The following ANO3 variants were observed in gnomAD, a reference collection of about 807,000 sequenced individuals.
The protein encoded by ANO3 is anoctamin-3.
In ANO3, 99 loss-of-function variants were observed where a neutral mutation model predicts 144.8. That is an observed-to-expected ratio of 0.68 (90% confidence interval 0.58 to 0.81). The LOEUF (loss-of-function observed/expected upper bound fraction) is 0.81. Among genes scored for constraint, ANO3 ranks in the 30% least tolerant of loss-of-function variants. The probability of loss-of-function intolerance (pLI) is 0.00; values close to 1 mark genes in which losing one functional copy is unlikely to be tolerated. For missense variants in ANO3, 905 were observed against 1,202.2 expected (o/e 0.75, Z 3.66); for synonymous variants, 414 against 392.6 (o/e 1.05, Z -0.64).
intron 1 of ANO3, among the ~76,000 whole-genome samples, chr11:26,252,527 TG>T (rs1852952524): frequency 6.6e-6 from 1 of 152,182 alleles, no homozygotes; most frequent in Admixed American, 6.5e-5. Flanking sequence ...CATCACCTCC[TG>T]TAGAAAAGTC....
At chr11:26,568,359 C>A (rs1412809183) in intron 14 of ANO3, among the ~76,000 whole-genome samples, 1 of 151,920 alleles carries the variant, frequency 6.6e-6, no homozygotes, top group Non-Finnish European at 1.5e-5. Context: ...GATTTGGATT[C>A]AAACCTTGAC....
chr11:26,640,566 C>T (rs1853115907), intron 21 of ANO3, among the ~76,000 whole-genome samples: 1 of 152,166 alleles, frequency 6.6e-6, no homozygotes, highest in Non-Finnish European at 1.5e-5. Context: ...TAAGTATCAA[C>T]AAGATGATGT....
chr11:26,621,902 G>A (rs1039244293), intron 17 of ANO3, among the ~76,000 whole-genome samples: 2 of 151,932 alleles, frequency 1.3e-5, no homozygotes, highest in Non-Finnish European at 2.9e-5. Context: ...TATCCCTGAC[G>A]CCCTTTATCC....
chr11:26,640,874 A>G (rs2133057149), intron 21 of ANO3, among the ~76,000 whole-genome samples: 1 of 152,302 alleles, frequency 6.6e-6, no homozygotes, highest in Admixed American at 6.5e-5. Flanking sequence ...TACATATAAT[A>G]GAAATAAGCA....
chr11:26,274,121 C>T (rs1590228181), intron 1 of ANO3, among the ~76,000 whole-genome samples: 1 of 152,126 alleles, frequency 6.6e-6, no homozygotes, highest in Non-Finnish European at 1.5e-5. Flanking sequence ...CATTTTACTG[C>T]CCTGTTTAAG....
At chr11:26,615,777 A>G (rs986604711) in intron 17 of ANO3, among the ~76,000 whole-genome samples, 2 of 152,120 alleles carry the variant, frequency 1.3e-5, no homozygotes, top group African/African-American at 4.8e-5. Context: ...AAGTTTGATC[A>G]TTTATTTCCC....
intron 9 of ANO3, among the ~76,000 whole-genome samples, chr11:26,535,226 T>A (rs998500366): frequency 2.0e-5 from 3 of 152,202 alleles, no homozygotes; most frequent in Non-Finnish European, 4.4e-5. Context: ...CTCTGGAAGG[T>A]GAAATAATAG....
intron 1 of ANO3, among the ~76,000 whole-genome samples, chr11:26,229,453 C>G (rs1272534074): frequency 6.6e-6 from 1 of 152,110 alleles, no homozygotes; most frequent in Non-Finnish European, 1.5e-5. Context: ...TTCCTCATCT[C>G]TTTGTGAACA....
intron 3 of ANO3, among the ~76,000 whole-genome samples, chr11:26,449,057 C>T (rs764133227): frequency 4.5e-4 from 69 of 152,184 alleles, no homozygotes; most frequent in Non-Finnish European, 1.9e-4. Flanking sequence ...CACAAACTCA[C>T]TCTGGTATTC....
At chr11:26,446,926 T>C (rs549961646) in intron 3 of ANO3, among the ~76,000 whole-genome samples, 45 of 152,212 alleles carry the variant, frequency 3.0e-4, no homozygotes, top group African/African-American at 9.6e-4. Flanking sequence ...AAAGTGATTT[T>C]AGGCTGGGTG....
chr11:26,229,839 ATTAT>A (rs1217014047), intron 1 of ANO3, among the ~76,000 whole-genome samples: 1 of 152,252 alleles, frequency 6.6e-6, no homozygotes, highest in Non-Finnish European at 1.5e-5. Context: ...TACCTGGAAT[ATTAT>A]TTATATATAA....
intron 3 of ANO3, among the ~76,000 whole-genome samples, chr11:26,444,932 G>A (rs926617972): frequency 1.5e-4 from 23 of 151,974 alleles, no homozygotes; most frequent in African/African-American, 5.1e-4. Context: ...ATCAAAAAGA[G>A]CATCTCATCA....
rs1451584455 is a variant in ANO3 at position 26,365,172 on chromosome 11, T to C, written c.46+32851T>C. ...TAAATCTTAAAGCTCCAAAAGAATATCCTTTGACTCCATGTGTCACATCTA... is the reference window on the plus strand; with the variant it reads ...TAAATCTTAAAGCTCCAAAAGAATACCCTTTGACTCCATGTGTCACATCTA... On this transcript the variant is annotated intron_variant, in intron 1 of 26. Coordinates refer to ENST00000256737, the MANE Select transcript of ANO3 (RefSeq NM_031418.4). Among the ~76,000 whole-genome samples, 8 of 152,248 alleles carry C rather than the reference T, an allele frequency of 5.3e-5. No individual in the cohort carries two copies. In the South Asian group the frequency reaches 1.7e-3, roughly 32 times the overall value.
At chr11:26,437,522 C>T (rs566459706) in intron 1 of ANO3, among the ~76,000 whole-genome samples, 4 of 152,314 alleles carry the variant, frequency 2.6e-5, no homozygotes, top group Non-Finnish European at 4.4e-5. Context: ...TCTCCATTCT[C>T]CATTGGTCAG....
intron 1 of ANO3, among the ~76,000 whole-genome samples, chr11:26,333,486 A>AT (rs1855113400): frequency 6.6e-6 from 1 of 151,918 alleles, no homozygotes. Flanking sequence ...GTTTCACCGT[A>AT]TTAGCCAGGA....
At chr11:26,627,368 T>C (rs1274614055) in intron 18 of ANO3, among the ~76,000 whole-genome samples, 1 of 151,872 alleles carries the variant, frequency 6.6e-6, no homozygotes. Flanking sequence ...TACTTTTGGG[T>C]CTTCATTTCC....
intron 13 of ANO3, among the ~76,000 whole-genome samples, chr11:26,554,630 C>A (rs577133895): frequency 6.6e-6 from 1 of 152,126 alleles, no homozygotes; most frequent in Non-Finnish European, 1.5e-5. Context: ...AATTCTAATG[C>A]TCTTTCTGTG....
upstream of ANO3, among the ~76,000 whole-genome samples, chr11:26,329,327 C>CAG (rs10573538): frequency 4.9e-4 from 54 of 110,436 alleles, no homozygotes; most frequent in African/African-American, 1.0e-3. Context: ...CACACACACA[C>CAG]AGAGAGAGAG....
intron 1 of ANO3, among the ~76,000 whole-genome samples, chr11:26,272,292 C>CCATAGAT (rs1208717764): frequency 6.6e-6 from 1 of 151,458 alleles, no homozygotes; most frequent in Non-Finnish European, 1.5e-5. Context: ...TTGATACGTA[C>CCATAGAT]CATAGATTGA....
Sources: gnomAD v4.1 joint callset for allele counts (sites outside exome capture counted in the v4.1 genomes callset) on GRCh38, gnomAD v4.1.1 for gene constraint, MANE v1.5 for transcripts, NCBI Gene and HGNC (gene_info 2026-07-23, HGNC 2026-07-21) for gene names.